The following INVS variants were observed in gnomAD, a reference collection of about 807,000 sequenced individuals.
The protein encoded by INVS is inversion of embryo turning homolog.
INVS carries 86 observed loss-of-function variants against 108.8 expected under a neutral mutation model. The observed-to-expected ratio is 0.79, with a 90% CI of 0.66 to 0.95. INVS has a LOEUF of 0.95. INVS is among the 40% of genes least tolerant of loss of function. The probability of loss-of-function intolerance (pLI) is 0.00; values close to 1 mark genes in which losing one functional copy is unlikely to be tolerated. For missense variants in INVS, 1,169 were observed against 1,297.4 expected (o/e 0.90, Z 1.52); for synonymous variants, 455 against 473.5 (o/e 0.96, Z 0.51).
chr9:100,126,309 A>T, intron 2 of INVS, 74 bp from the exon 3 acceptor site: 1 of 1,186,718 alleles, frequency 8.4e-7, no homozygotes, highest in Non-Finnish European at 1.2e-6. Context: ...TTGATAATAA[A>T]CAGCGAATAT....
intron 10 of INVS, among the ~76,000 whole-genome samples, chr9:100,259,378 G>A (rs903636343): frequency 6.6e-6 from 1 of 152,064 alleles, no homozygotes; most frequent in Non-Finnish European, 1.5e-5. Context: ...TTCTGGGTGA[G>A]GTGATGCCCC....
chr9:100,192,248 AGTGTGTGTGTGTGTGTGT>A (rs58132596), intron 3 of INVS, among the ~76,000 whole-genome samples: 2 of 145,016 alleles, frequency 1.4e-5, no homozygotes, highest in South Asian at 4.5e-4. Flanking sequence ...GGGAAAAAAG[AGTGTGTGTGTGTGTGTGT>A]GTGTGTGTGT....
intron 8 of INVS, among the ~76,000 whole-genome samples, chr9:100,251,902 T>C (rs1053678570): frequency 6.6e-6 from 1 of 152,200 alleles, no homozygotes; most frequent in African/African-American, 2.4e-5. Flanking sequence ...GAGTGGGTTG[T>C]TGGGCAGAAT....
chr9:100,222,605 G>A lies in INVS; in HGVS notation c.274-3457G>A, dbSNP rs116212993. Among the ~76,000 whole-genome samples the A allele has an allele frequency of 5.2e-3, 789 of 152,232 alleles. 8 individuals are homozygous for A. Among genetic ancestry groups the A allele is most frequent in the African/African-American group, 0.018 (732 of 41,546 alleles). ...GTAAAGTGTAAATATGCCAAGCACTGTGTCTATAGCTCAGTAGTTACCCCC... is the reference window on the plus strand; with the variant it reads ...GTAAAGTGTAAATATGCCAAGCACTATGTCTATAGCTCAGTAGTTACCCCC... On this transcript the variant is annotated intron_variant, in intron 3 of 16. Transcript: ENST00000262457.
intron 5 of INVS, among the ~76,000 whole-genome samples, chr9:100,238,906 A>G (rs1375166771): frequency 6.6e-6 from 1 of 152,246 alleles, no homozygotes; most frequent in African/African-American, 2.4e-5. Context: ...TCTCAACCCC[A>G]TTCATAAATG....
intron 4 of INVS, among the ~76,000 whole-genome samples, chr9:100,227,979 T>TTTTC (rs1189699078): frequency 7.0e-6 from 1 of 143,422 alleles, no homozygotes; most frequent in Non-Finnish European, 1.5e-5. Flanking sequence ...ATAAACATTA[T>TTTTC]TTTCTTTCTT....
chr9:100,222,051 C>T (rs1371198081), intron 3 of INVS, among the ~76,000 whole-genome samples: 1 of 152,130 alleles, frequency 6.6e-6, no homozygotes, highest in Non-Finnish European at 1.5e-5. Context: ...AACATTCTAA[C>T]TATTTTTACT....
chr9:100,122,337 A>G (rs1231691067), intron 2 of INVS, among the ~76,000 whole-genome samples: 1 of 152,046 alleles, frequency 6.6e-6, no homozygotes, highest in South Asian at 2.1e-4. Flanking sequence ...TGCTGCCTGT[A>G]TCTTGAAGCT....
chr9:100,209,496 T>C (rs937953129), intron 3 of INVS, among the ~76,000 whole-genome samples: 22 of 152,080 alleles, frequency 1.4e-4, no homozygotes, highest in Non-Finnish European at 2.9e-4. Context: ...ACTGGCCGGG[T>C]GCAGTGGCTC....
intron 3 of INVS, among the ~76,000 whole-genome samples, chr9:100,127,207 A>C (rs1261707656): frequency 2.6e-5 from 4 of 152,116 alleles, no homozygotes; most frequent in African/African-American, 9.6e-5. Flanking sequence ...AAATTAATTA[A>C]TTAATTAATT....
At chr9:100,206,061 A>T (rs1351410727) in intron 3 of INVS, among the ~76,000 whole-genome samples, 1 of 152,134 alleles carries the variant, frequency 6.6e-6, no homozygotes, top group Non-Finnish European at 1.5e-5. Flanking sequence ...GTAAACCCAT[A>T]GTTTAATCTT....
chr9:100,167,082 T>C (rs888629385), intron 3 of INVS, among the ~76,000 whole-genome samples: 1 of 151,800 alleles, frequency 6.6e-6, no homozygotes, highest in Non-Finnish European at 1.5e-5. Flanking sequence ...AATACAAAAT[T>C]TACCCAGATA....
At chr9:100,271,345 C>G (rs902595403) in intron 11 of INVS, among the ~76,000 whole-genome samples, 2 of 152,144 alleles carry the variant, frequency 1.3e-5, no homozygotes, top group African/African-American at 4.8e-5. Flanking sequence ...ACTGCATATA[C>G]AGATATCTTC....
intron 13 of INVS, 105 bp downstream of exon 13, chr9:100,284,708 C>G: frequency 1.7e-6 from 2 of 1,165,214 alleles, no homozygotes; most frequent in African/African-American, 1.5e-5. Context: ...ATATTAGCAC[C>G]TAGGACCGCC....
chr9:100,119,992 A>G (rs1827673999), intron 2 of INVS, among the ~76,000 whole-genome samples: 1 of 152,254 alleles, frequency 6.6e-6, no homozygotes, highest in African/African-American at 2.4e-5. Context: ...TTTAAAAACC[A>G]GAAAATCTAA....
At chr9:100,271,066 CTG>C (rs1173362489) in intron 11 of INVS, among the ~76,000 whole-genome samples, 1 of 152,106 alleles carries the variant, frequency 6.6e-6, no homozygotes, top group Non-Finnish European at 1.5e-5. Context: ...TGTATATACA[CTG>C]TACAAAATTT....
intron 2 of INVS, among the ~76,000 whole-genome samples, chr9:100,118,428 C>G (rs983516009): frequency 6.7e-6 from 1 of 149,080 alleles, no homozygotes; most frequent in African/African-American, 2.5e-5. Context: ...AGACTGGTCT[C>G]GGACTCCTGG....
In INVS at chr9:100,292,407, C is replaced by T. The variant is rs774863900; in HGVS notation, c.2150C>T (p.Pro717Leu). 3.1e-6 allele frequency: 5 copies of T among 1,614,168 alleles called. No individual in the cohort carries two copies. The highest frequency in any genetic ancestry group is 4.2e-6 in the Non-Finnish European group (5 of 1,180,048). Residue 717 changes from proline to leucine, a missense_variant, in exon 14 of 17, where the codon CCA (proline) becomes CTA (leucine). This residue lies in a region of INVS where 533 missense variants were observed against 536.0 expected (regional missense o/e 0.99). Coordinates refer to ENST00000262457, the MANE Select transcript of INVS (RefSeq NM_014425.5). ...GAAGGCAGTGATGGAAGCAGGCATC[C>T]AGGAGTTCCCTCTGTTGAGAAGTCC... is the stretch of plus-strand genomic sequence containing the variant. ...PNEGSDGSRHPGVPSVEKSRG... is the reference protein window; with the variant it reads ...PNEGSDGSRHLGVPSVEKSRG...
In INVS at chr9:100,266,867, A is replaced by G. The variant is rs1318448763; in HGVS notation, c.1571+1939A>G. ...CTCTTAGCCACCACCCATTCTTTCT[A>G]TTAGTTGGTGGAAAACTTTATTGAG... On this transcript the variant is annotated intron_variant, in intron 11 of 16. Transcript: ENST00000262457. Among the ~76,000 whole-genome samples the G allele has an allele frequency of 2.0e-5, 3 of 152,106 alleles. No homozygotes were observed. The East Asian group carries it at 5.8e-4, about 29-fold the overall frequency.
Sources: allele counts gnomAD v4.1 joint callset (sites outside exome capture counted in the v4.1 genomes callset), GRCh38; gene constraint gnomAD v4.1.1; regional missense constraint gnomAD v4.1.1; transcripts MANE v1.5; gene names NCBI Gene and HGNC (gene_info 2026-07-23, HGNC 2026-07-21).